PGA5: variants seen among roughly 807,000 people sequenced by gnomAD.
PGA5 encodes pepsin A-5.
In PGA5, 19 loss-of-function variants were observed where a neutral mutation model predicts 15.9. The ratio of observed to expected loss-of-function variants is 1.19; its 90% CI spans 0.83 to 1.75. The LOEUF (loss-of-function observed/expected upper bound fraction) is 1.75, where lower values mean the gene tolerates loss of function less well. Ranked by LOEUF, PGA5 falls within the 40% of genes most tolerant of loss-of-function variation. The pLI is 0.00. For missense variants in PGA5, 224 were observed against 246.4 expected (o/e 0.91, Z 0.61); for synonymous variants, 92 against 95.8 (o/e 0.96, Z 0.23).
At position 61,251,209 on chromosome 11, in the gene PGA5, T is replaced by C. The variant is rs1476384588; in HGVS notation, c.1095T>C (p.Asp365=). The C allele has an allele frequency of 1.2e-6, 2 of 1,611,776 alleles. No individual in the cohort carries two copies. The highest frequency in any genetic ancestry group is 1.3e-5 in the African/African-American group (1 of 74,724). Residue 365 remains aspartate, a synonymous_variant, in exon 9 of 9, where the codon GAT becomes GAC. Transcript: ENST00000312403. ...TESGELWILG[D]VFIRQYFTVF... ...CTGGAGAGCTTTGGATCCTGGGTGA[T>C]GTCTTCATCCGCCAGTACTTTACCG...
In PGA5 at chr11:61,251,052, G is replaced by A. The variant is rs895190450; in HGVS notation, c.1018-80G>A. 6.2e-6 allele frequency: 10 copies of A among 1,610,236 alleles called. No homozygotes were observed. In the African/African-American group the frequency reaches 8.1e-5, roughly 13 times the overall value. ...GCACGTGCCTTACAGCTGGACCAGG[G>A]CTCCCTGGATGTTTATCACCCAGCG... On this transcript the variant is annotated intron_variant, in intron 8 of 8. Coordinates refer to ENST00000312403, the MANE Select transcript of PGA5 (RefSeq NM_014224.5).
At chr11:61,249,448 T>A (rs1854107931) in intron 6 of PGA5, 1 of 875,274 alleles carries the variant, frequency 1.1e-6, no homozygotes, top group East Asian at 2.7e-5. Context: ...CTGTCTTGTT[T>A]CGCTTGGCGT....
At chr11:61,248,228 G>A (rs1005688728) in intron 5 of PGA5, 191 bp from the exon 6 acceptor site, 5 of 1,380,806 alleles carry the variant, frequency 3.6e-6, no homozygotes, top group Admixed American at 3.4e-5. Flanking sequence ...TGTCCTCATG[G>A]TAAGTGGAAA....
intron 5 of PGA5, among the ~76,000 whole-genome samples, chr11:61,247,641 T>A (rs1854082352): frequency 6.6e-6 from 1 of 151,996 alleles, no homozygotes. Flanking sequence ...ACTGCAGAGA[T>A]TTAGAAAATG....
Position 61,247,035 on chromosome 11 carries a change from G to C in PGA5, c.656+890G>C, listed in dbSNP as rs554383280. 1.5e-3 allele frequency among the ~76,000 whole-genome samples: 226 copies of C among 152,138 alleles called. 8 individuals carry two copies. The South Asian group carries it at 0.042, about 28-fold the overall frequency. Reference sequence around the variant, plus strand: ...CAAATGTCAGTTTGGGCTGAGTAGAGTGTTATGCAAGAATACCTGAGGGCA... The same window carrying C: ...CAAATGTCAGTTTGGGCTGAGTAGACTGTTATGCAAGAATACCTGAGGGCA... On this transcript the variant is annotated intron_variant, in intron 5 of 8. Transcript: ENST00000312403.
rs1212923138 is a variant in PGA5 at position 61,251,015 on chromosome 11, A to C, written c.1018-117A>C. On this transcript the variant is annotated intron_variant, in intron 8 of 8. Transcript: ENST00000312403. ...CCGAATCCCTGGACACTGAGCCAGG[A>C]AGCTCCTCCTTGCACGTGCCTTACA... 3.8e-6 allele frequency: 6 copies of C among 1,594,386 alleles called. No homozygotes were observed. In the East Asian group the frequency reaches 8.9e-5, roughly 24 times the overall value.
chr11:61,249,488 G>C, intron 6 of PGA5, 181 bp from the exon 7 acceptor site: 5 of 1,225,082 alleles, frequency 4.1e-6, no homozygotes, highest in Non-Finnish European at 5.7e-6. Flanking sequence ...GTAGGCACTT[G>C]GGAAATATTT....
chr11:61,251,337 T>G lies in PGA5; in HGVS notation c.*56T>G. On this transcript the variant is annotated 3_prime_UTR_variant, in exon 9 of 9. Coordinates refer to ENST00000312403, the MANE Select transcript of PGA5 (RefSeq NM_014224.5). ...GATCTGGCCTCCGTCCTATGCCCACTTTAGATGTATCTAATTCTCCTGACT... is the reference window on the plus strand; with the variant it reads ...GATCTGGCCTCCGTCCTATGCCCACGTTAGATGTATCTAATTCTCCTGACT... 1.9e-6 allele frequency: 3 copies of G among 1,611,168 alleles called. No homozygotes were observed. Among genetic ancestry groups the G allele is most frequent in the South Asian group, 1.1e-5 (1 of 90,930 alleles).
rs954060203 is a variant in PGA5, at chr11:61,250,408, G to A, written c.1017+394G>A. 2.0e-5 allele frequency among the ~76,000 whole-genome samples: 3 copies of A among 151,530 alleles called. 1 individual carries two copies. In the East Asian group the frequency reaches 5.8e-4, roughly 29 times the overall value. ...CAGAGTGCGGTTAGGTCAACCAAGT[G>A]AGACTGATCACATCAGAGCTACCAA... On this transcript the variant is annotated intron_variant, in intron 8 of 8. Transcript: ENST00000312403.
intron 5 of PGA5, among the ~76,000 whole-genome samples, chr11:61,247,742 T>G (rs1411306957): frequency 5.3e-5 from 8 of 152,100 alleles, no homozygotes; most frequent in African/African-American, 1.9e-4. Flanking sequence ...AAGGTGGCTC[T>G]GAAACATCAT....
chr11:61,249,537 G>C, intron 6 of PGA5, 132 bp from the exon 7 acceptor site: 2 of 1,519,334 alleles, frequency 1.3e-6, no homozygotes, highest in Non-Finnish European at 1.8e-6. Flanking sequence ...GTGCGTGAAC[G>C]AGAGGAACAG....
At position 61,248,215 on chromosome 11, in the gene PGA5, C is replaced by T. The variant is rs776479717; in HGVS notation, c.657-204C>T. 1.2e-5 allele frequency: 16 copies of T among 1,281,284 alleles called. No individual in the cohort carries two copies. The Admixed American group carries it at 2.8e-4, about 22-fold the overall frequency. The allele number at this position is 1,281,284 out of a possible 1,614,324, so 79.4% of individuals were successfully genotyped here. On this transcript the variant is annotated intron_variant, in intron 5 of 8. Coordinates refer to ENST00000312403, the MANE Select transcript of PGA5 (RefSeq NM_014224.5). ...CAGGTGGCCTCACCTCCCTCAGGCT[C>T]AGTGTCCTCATGGTAAGTGGAAACA...
In PGA5 at chr11:61,248,424, A is replaced by T; in HGVS notation, c.662A>T (p.Asp221Val). 1 of 1,613,820 alleles carries T rather than the reference A, an allele frequency of 6.2e-7. No homozygotes were observed. Among genetic ancestry groups the T allele is most frequent in the Non-Finnish European group, 8.5e-7 (1 of 1,179,850 alleles). ...TCTCCCCTCACTTTCCACAGCGATG[A>T]CAAGAGTGGCAGCGTGGTGATCTTT... ...DLFSVYLSAD[D>V]KSGSVVIFGG... Residue 221 changes from aspartate to valine, a missense_variant, in exon 6 of 9, where the codon GAC (aspartate) becomes GTC (valine). Transcript: ENST00000312403.
rs1854137578 is a variant in PGA5 at position 61,251,250 on chromosome 11, A to C, written c.1136A>C (p.Asn379Thr). Residue 379 changes from asparagine to threonine, a missense_variant, in exon 9 of 9, where the codon AAC becomes ACC. By Grantham distance (65) the Asn-to-Thr change is moderately conservative. Coordinates refer to ENST00000312403, the MANE Select transcript of PGA5 (RefSeq NM_014224.5). ...RQYFTVFDRA[N>T]NQVGLAPVA ...TACTTTACCGTCTTCGACAGGGCAA[A>C]CAACCAGGTCGGCCTGGCCCCTGTG... 15 of 1,611,806 alleles carry C rather than the reference A, an allele frequency of 9.3e-6. No homozygotes were observed. The highest frequency in any genetic ancestry group is 1.3e-5 in the Non-Finnish European group (15 of 1,179,848).
rs374129080 is a variant in PGA5 at position 61,249,787 on chromosome 11, G to A, written c.892G>A (p.Gly298Arg). The change falls in exon 7 of 9, where the codon GGA becomes AGA. Residue 298 changes from glycine (G) to arginine (R), a missense_variant. Coordinates refer to ENST00000312403, the MANE Select transcript of PGA5 (RefSeq NM_014224.5). ...SPIANIQSDI[G>R]ASENSDGDMV... ...CATTGCCAACATCCAGAGCGACATC[G>A]GAGCCAGCGAGAACTCAGATGGCGA... 65 of 1,613,620 alleles carry A rather than the reference G, an allele frequency of 4.0e-5. 1 individual carries two copies. The African/African-American group carries it at 4.4e-4, about 11-fold the overall frequency.
At chr11:61,247,279 T>A (rs1854077961) in intron 5 of PGA5, among the ~76,000 whole-genome samples, 2 of 148,860 alleles carry the variant, frequency 1.3e-5, no homozygotes, top group African/African-American at 5.2e-5. Context: ...GATGATTAAT[T>A]TCTTTTTTTT....
chr11:61,247,184 T>C (rs1227227271), intron 5 of PGA5, among the ~76,000 whole-genome samples: 1 of 151,958 alleles, frequency 6.6e-6, no homozygotes, highest in East Asian at 1.9e-4. Context: ...GTCCTCACTA[T>C]ATTGCCTTGC....
At position 61,251,095 on chromosome 11, in the gene PGA5, G is replaced by C. The variant is rs553922770; in HGVS notation, c.1018-37G>C. The C allele has an allele frequency of 6.2e-6, 10 of 1,611,734 alleles. No homozygotes were observed. The South Asian group carries it at 7.7e-5, about 12-fold the overall frequency. On this transcript the variant is annotated intron_variant, in intron 8 of 8. Transcript: ENST00000312403. ...ACCCAGCGCCTATCACGGCTGAATC[G>C]GTGTCCCAGCTCCACTTTTATTCTC...
At chr11:61,250,233 G>A (rs76918798) in intron 8 of PGA5, among the ~76,000 whole-genome samples, 1,558 of 151,112 alleles carry the variant, frequency 0.01, 10 homozygotes, top group African/African-American at 0.013. Context: ...GTGAAGCAAA[G>A]GTTAATGGAG....
Sources: gnomAD v4.1 joint callset for allele counts (sites outside exome capture counted in the v4.1 genomes callset) on GRCh38, gnomAD v4.1.1 for gene constraint, MANE v1.5 for transcripts, NCBI Gene and HGNC (gene_info 2026-07-23, HGNC 2026-07-21) for gene names.